Variants in CHD5 observed in about 807,000 individuals in gnomAD.
CHD5 encodes chromodomain helicase DNA binding protein 5, also known as ATP-dependent chromatin remodeler CHD5.
Under a neutral mutation model 230.3 loss-of-function variants are expected in CHD5, and 69 were observed. The observed-to-expected ratio is 0.30, with a 90% CI of 0.25 to 0.37. The LOEUF (loss-of-function observed/expected upper bound fraction) is 0.37, where lower values mean the gene tolerates loss of function less well. Ranked by LOEUF, CHD5 falls within the 10% of genes least tolerant of loss-of-function variation. CHD5 has a pLI of 1.00. For missense variants in CHD5, 1,827 were observed against 2,622.8 expected (o/e 0.70, Z 6.63); for synonymous variants, 1,064 against 1,065.9 (o/e 1.00, Z 0.03).
intron 15 of CHD5, among the ~76,000 whole-genome samples, chr1:6,139,985 G>A (rs189803831): frequency 1.3e-5 from 2 of 152,318 alleles, no homozygotes; most frequent in East Asian, 3.9e-4. Flanking sequence ...AGTGGAGGAG[G>A]CCGACCTGAG....
At position 6,161,889 on chromosome 1, in the gene CHD5, C is replaced by A. The variant is rs377466738; in HGVS notation, c.208-2374G>T. Among the ~76,000 whole-genome samples, 8 of 152,308 alleles carry A rather than the reference C, an allele frequency of 5.3e-5. No individual in the cohort carries two copies. In the South Asian group the frequency reaches 1.4e-3, roughly 28 times the overall value. On this transcript the variant is annotated intron_variant, in intron 2 of 41. Transcript: ENST00000262450. ...TGGCCTTCAGCTGCTAGAGAGCAAA[C>A]CCCACAAACCTACCGAGGATGAAGT...
chr1:6,111,097 G>A (rs932958140), intron 36 of CHD5, among the ~76,000 whole-genome samples: 50 of 151,702 alleles, frequency 3.3e-4, no homozygotes, highest in African/African-American at 1.0e-3. Flanking sequence ...GGGAGTGGTG[G>A]TGCATGCCTG....
At chr1:6,120,348 A>G (rs1666448807) in intron 33 of CHD5, among the ~76,000 whole-genome samples, 1 of 152,046 alleles carries the variant, frequency 6.6e-6, no homozygotes, top group South Asian at 2.1e-4. Flanking sequence ...AAGTAGCCCA[A>G]TCACCCCCAA....
rs750769067 is a variant in CHD5, at chr1:6,151,071, G to C, written c.955C>G (p.Leu319Val). ...CGCCTCCTCTTGCTCTTCTTGCCCA[G>C]GGCTGCAGAGCATTCGGAGCGCACG... ...ASVRSECSAA[L>V]GKKSKRRRKK... Residue 319 changes from leucine (L) to valine (V), a missense_variant, in exon 7 of 42, where the codon CTG becomes GTG. Physicochemically the swap from Leu to Val is conservative, Grantham distance 32. Transcript: ENST00000262450. The C allele has an allele frequency of 6.2e-7, 1 of 1,605,552 alleles. No homozygotes were observed. The highest frequency in any genetic ancestry group is 1.1e-5 in the South Asian group (1 of 89,022).
intron 5 of CHD5, among the ~76,000 whole-genome samples, chr1:6,153,374 C>A (rs1667035087): frequency 6.6e-6 from 1 of 152,234 alleles, no homozygotes; most frequent in Non-Finnish European, 1.5e-5. Flanking sequence ...ATGGCCCAGA[C>A]AGATGGAGCA....
chr1:6,133,783 G>A (rs1384937518), intron 20 of CHD5, among the ~76,000 whole-genome samples: 1 of 152,240 alleles, frequency 6.6e-6, no homozygotes, highest in African/African-American at 2.4e-5. Context: ...CTATTGGAGA[G>A]AGGGGCTCCT....
At chr1:6,120,983 T>G in intron 33 of CHD5, 122 bp downstream of exon 33, 2 of 1,171,852 alleles carry the variant, frequency 1.7e-6, no homozygotes, top group South Asian at 1.8e-5. Flanking sequence ...CTGCAGAGGG[T>G]TGGAGTCTAC....
chr1:6,125,275 G>T lies in CHD5; in HGVS notation c.4261-42C>A. The T allele has an allele frequency of 1.9e-6, 3 of 1,549,490 alleles. No individual in the cohort carries two copies. Among genetic ancestry groups the T allele is most frequent in the South Asian group, 1.2e-5 (1 of 86,544 alleles). The stretch of plus-strand genomic sequence containing the variant: ...TGGGAGTATGAGCCCAGGACAGAGA[G>T]GGGTGGGGGTGGAGGATTCTGGGAT... On this transcript the variant is annotated intron_variant, in intron 28 of 41. Transcript: ENST00000262450. This position sits in a 1 kb window ranked among gnomAD's most constrained non-coding sequence, Gnocchi z 6.7.
Position 6,134,026 on chromosome 1 carries a change from TG to T in CHD5, c.3144+101del. The T allele has an allele frequency of 8.5e-7, 1 of 1,171,918 alleles. No individual in the cohort carries two copies. Among genetic ancestry groups the T allele is most frequent in the Non-Finnish European group, 1.2e-6 (1 of 824,276 alleles). The allele number at this position is 1,171,918 out of a possible 1,614,324, so 72.6% of individuals were successfully genotyped here. The stretch of plus-strand genomic sequence containing the variant: ...CACATGACCCACATGGGAACGGCAC[TG>T]GGCCCTGAGGGGTGCCAGCAAGTTT... On this transcript the variant is annotated intron_variant, in intron 20 of 41. Transcript: ENST00000262450. The surrounding 1 kb of genome is among the most constrained non-coding windows in gnomAD (Gnocchi z 6.3).
intron 33 of CHD5, among the ~76,000 whole-genome samples, chr1:6,115,775 T>C (rs533182668): frequency 1.1e-3 from 162 of 152,284 alleles, no homozygotes; most frequent in African/African-American, 3.7e-3. Flanking sequence ...CTGAACCTTG[T>C]GATATCCTGA....
chr1:6,136,132 G>C (rs1666743328), intron 17 of CHD5, among the ~76,000 whole-genome samples: 1 of 152,182 alleles, frequency 6.6e-6, no homozygotes. Flanking sequence ...GAGGGGGATG[G>C]GGCGGTGGGC....
In CHD5 at chr1:6,164,507, G is replaced by A. The variant is rs964498324; in HGVS notation, c.207+3643C>T. 5.9e-5 allele frequency among the ~76,000 whole-genome samples: 9 copies of A among 152,138 alleles called. No individual in the cohort carries two copies. In the South Asian group the frequency reaches 6.2e-4, roughly 11 times the overall value. On this transcript the variant is annotated intron_variant, in intron 2 of 41. Coordinates refer to ENST00000262450, the MANE Select transcript of CHD5 (RefSeq NM_015557.3). ...TTATTTTATGTAAATCAGAATCCAC[G>A]ACTTGCTGCCGGCCTCCCCCCACTA...
At chr1:6,165,494 A>G (rs1667238025) in intron 2 of CHD5, among the ~76,000 whole-genome samples, 1 of 152,160 alleles carries the variant, frequency 6.6e-6, no homozygotes, top group African/African-American at 2.4e-5. Context: ...GTGGGTGCAC[A>G]GGTAGGAGTC....
rs1392956300 is a variant in CHD5, at chr1:6,180,300, A to G, written c.-277T>C. On this transcript the variant is annotated 5_prime_UTR_variant, in exon 1 of 42. Transcript: ENST00000262450. ...GCAGCCGGCCGAGGGTGGCGGCGGC[A>G]GCGCCAGAGGCACGGCGGCACGGCG... 6.6e-6 allele frequency among the ~76,000 whole-genome samples: 1 copy of G among 150,750 alleles called. No homozygotes were observed. The highest frequency in any genetic ancestry group is 2.4e-5 in the African/African-American group (1 of 40,938).
At position 6,105,894 on chromosome 1, in the gene CHD5, T is replaced by C. The variant is rs556719960; in HGVS notation, c.*46+340A>G. Among the ~76,000 whole-genome samples the C allele has an allele frequency of 6.0e-4, 92 of 152,280 alleles. No homozygotes were observed. The highest frequency in any genetic ancestry group is 2.1e-3 in the African/African-American group (86 of 41,558). ...CAGGACAGCAGGGGCAGGACAGGGC[T>C]CCAGGCGGGGGCAGCAGTCTCTGAC... On this transcript the variant is annotated intron_variant, in intron 41 of 41. Coordinates refer to ENST00000262450, the MANE Select transcript of CHD5 (RefSeq NM_015557.3). This position sits in a 1 kb window ranked among gnomAD's most constrained non-coding sequence, Gnocchi z 4.8.
At chr1:6,163,125 G>C (rs760970247) in intron 2 of CHD5, among the ~76,000 whole-genome samples, 7 of 152,240 alleles carry the variant, frequency 4.6e-5, no homozygotes, top group Non-Finnish European at 1.0e-4. Context: ...TGGCAGAGCA[G>C]GAGGGCACAG....
rs1667054893 is a variant in CHD5 at position 6,154,750 on chromosome 1, T to C, written c.655A>G (p.Thr219Ala). Residue 219 changes from threonine (T) to alanine (A), a missense_variant, in exon 5 of 42, where the codon ACG becomes GCG. Physicochemically the swap from Thr to Ala is moderately conservative, Grantham distance 58 (BLOSUM62 0). Around this residue, in one of 14 missense-constraint regions of CHD5, gnomAD observed 657 missense variants for 816.4 expected, o/e 0.80. Coordinates refer to ENST00000262450, the MANE Select transcript of CHD5 (RefSeq NM_015557.3). This position sits in a 1 kb window ranked among gnomAD's most constrained non-coding sequence, Gnocchi z 7.0. ...AAAAVAAAVE[T>A]VTISPPLAVS... Reference sequence around the variant, plus strand: ...GCTAGCGGAGGGGAGATGGTGACCGTCTCTACAGCCGCAGCCACCGCCGCC... The same window carrying C: ...GCTAGCGGAGGGGAGATGGTGACCGCCTCTACAGCCGCAGCCACCGCCGCC... 6.2e-7 allele frequency: 1 copy of C among 1,611,626 alleles called. No individual in the cohort carries two copies. The highest frequency in any genetic ancestry group is 8.5e-7 in the Non-Finnish European group (1 of 1,179,370).
intron 36 of CHD5, among the ~76,000 whole-genome samples, 179 bp downstream of exon 36, chr1:6,111,596 G>A (rs763673416): frequency 5.3e-5 from 8 of 152,010 alleles, no homozygotes; most frequent in Admixed American, 3.9e-4. Flanking sequence ...GGAAGAAGCC[G>A]GGATGACAGC....
In CHD5 at chr1:6,128,360, C is replaced by G. The variant is rs1666597137; in HGVS notation, c.3730+139G>C. 8.9e-7 allele frequency: 1 copy of G among 1,117,472 alleles called. No individual in the cohort carries two copies. Among genetic ancestry groups the G allele is most frequent in the Non-Finnish European group, 1.3e-6 (1 of 769,908 alleles). 69.2% of individuals were successfully genotyped at this position (1,117,472 alleles called of 1,614,324 possible). On this transcript the variant is annotated intron_variant, in intron 24 of 41. Transcript: ENST00000262450. This position sits in a 1 kb window ranked among gnomAD's most constrained non-coding sequence, Gnocchi z 7.8. ...AGGCATGGTGACCAGACAGAGGAAA[C>G]TGCGCTGTAACAGCCCCACTCGCCG... is the stretch of plus-strand genomic sequence containing the variant.
Sources: allele counts gnomAD v4.1 joint callset (sites outside exome capture counted in the v4.1 genomes callset), GRCh38; gene constraint gnomAD v4.1.1; regional missense constraint gnomAD v4.1.1; non-coding constraint Gnocchi (gnomAD v3.1); transcripts MANE v1.5; gene names NCBI Gene and HGNC (gene_info 2026-07-23, HGNC 2026-07-21).